Variants in TSPAN9 observed in about 807,000 individuals in gnomAD.
The protein encoded by TSPAN9 is tetraspanin-9.
TSPAN9 carries 16 observed loss-of-function variants against 31.0 expected under a neutral mutation model. The observed-to-expected ratio is 0.52, with a 90% CI of 0.35 to 0.78. The LOEUF (loss-of-function observed/expected upper bound fraction) is 0.78, where lower values mean the gene tolerates loss of function less well. Among genes scored for constraint, TSPAN9 ranks in the 30% least tolerant of loss-of-function variants. TSPAN9 has a pLI of 0.01. For missense variants in TSPAN9, 272 were observed against 312.5 expected (o/e 0.87, Z 0.98); for synonymous variants, 145 against 121.6 (o/e 1.19, Z -1.27).
rs79293796 is a variant in TSPAN9 at position 3,170,369 on chromosome 12, C to T, written c.-17-30808C>T. Among the ~76,000 whole-genome samples, 2,589 of 152,272 alleles carry T rather than the reference C, an allele frequency of 0.017. 147 individuals are homozygous for T. The highest frequency in any genetic ancestry group is 0.12 in the Admixed American group (1,793 of 15,290). On this transcript the variant is annotated intron_variant, in intron 2 of 8. Coordinates refer to ENST00000011898, the MANE Select transcript of TSPAN9 (RefSeq NM_006675.5). This position sits in a 1 kb window ranked among gnomAD's most constrained non-coding sequence, Gnocchi z 4.4. ...CTCCTGCGTTGGACACACCAATCTA[C>T]GGCTAGCTTGCTCCAGATAGCATGT...
chr12:3,101,659 C>T (rs925383097), intron 2 of TSPAN9, among the ~76,000 whole-genome samples: 4 of 152,206 alleles, frequency 2.6e-5, no homozygotes, highest in African/African-American at 7.2e-5. Flanking sequence ...CACCCCTGGG[C>T]GGTGTCTGTG....
At chr12:3,282,105 C>T in intron 8 of TSPAN9, 2 of 637,238 alleles carry the variant, frequency 3.1e-6, no homozygotes, top group Non-Finnish European at 5.7e-6. Context: ...TCTGCCCAAA[C>T]CTTGAGCTCA....
intron 2 of TSPAN9, among the ~76,000 whole-genome samples, chr12:3,157,261 G>A (rs1029037897): frequency 5.9e-5 from 9 of 152,072 alleles, no homozygotes; most frequent in Middle Eastern, 3.2e-3. Context: ...CACCATGCCC[G>A]GCTAATTTGT....
intron 2 of TSPAN9, among the ~76,000 whole-genome samples, chr12:3,186,359 T>C (rs1591666140): frequency 6.6e-6 from 1 of 151,976 alleles, no homozygotes; most frequent in Admixed American, 6.6e-5. Context: ...AATGGGGTGG[T>C]CAGGGAAGGC....
At chr12:3,244,626 C>T (rs902894093) in intron 3 of TSPAN9, among the ~76,000 whole-genome samples, 2 of 152,176 alleles carry the variant, frequency 1.3e-5, no homozygotes, top group African/African-American at 2.4e-5. Flanking sequence ...AGACAGCGAG[C>T]GCCAGTAGCA....
At chr12:3,121,848 T>C (rs1468264076) in intron 2 of TSPAN9, among the ~76,000 whole-genome samples, 1 of 152,158 alleles carries the variant, frequency 6.6e-6, no homozygotes, top group Non-Finnish European at 1.5e-5. Flanking sequence ...AGTAACTTCA[T>C]GAATTTATGT....
chr12:3,081,858 G>C lies in TSPAN9; in HGVS notation c.-84-1795G>C, dbSNP rs542519983. Among the ~76,000 whole-genome samples, 3 of 25,340 alleles carry C rather than the reference G, an allele frequency of 1.2e-4. No homozygotes were observed. The South Asian group carries it at 3.1e-3, about 26-fold the overall frequency. 16.6% of individuals were successfully genotyped at this position (25,340 alleles called of 152,430 possible). A position where few individuals can be genotyped will look rare whatever the true frequency, so the allele number is the denominator to read the frequency against. On this transcript the variant is annotated intron_variant, in intron 1 of 8. Coordinates refer to ENST00000011898, the MANE Select transcript of TSPAN9 (RefSeq NM_006675.5). The stretch of plus-strand genomic sequence containing the variant: ...TGTCTGTGTGTGTATATATATGCCA[G>C]GTGTGGTGGTACACACCTGTGGACC...
At chr12:3,188,804 G>A (rs1415809796) in intron 2 of TSPAN9, among the ~76,000 whole-genome samples, 1 of 152,188 alleles carries the variant, frequency 6.6e-6, no homozygotes, top group East Asian at 1.9e-4. Flanking sequence ...AGGACTCATG[G>A]TGGTGATCTA....
intron 2 of TSPAN9, among the ~76,000 whole-genome samples, chr12:3,125,449 C>A (rs937918756): frequency 3.3e-5 from 5 of 152,022 alleles, no homozygotes; most frequent in African/African-American, 1.2e-4. Context: ...ACATTCTTCC[C>A]CCCGCAGTTT....
At chr12:3,238,563 A>G (rs1450358143) in intron 3 of TSPAN9, among the ~76,000 whole-genome samples, 3 of 152,196 alleles carry the variant, frequency 2.0e-5, no homozygotes, top group African/African-American at 7.2e-5. Context: ...CGACCCTTCC[A>G]TGCCTCACGG....
chr12:3,179,657 T>A (rs2098357678), intron 2 of TSPAN9, among the ~76,000 whole-genome samples: 1 of 152,182 alleles, frequency 6.6e-6, no homozygotes, highest in Non-Finnish European at 1.5e-5. Flanking sequence ...TGAGCTAACA[T>A]CATGCATTTT....
intron 2 of TSPAN9, among the ~76,000 whole-genome samples, chr12:3,092,588 C>G (rs760036239): frequency 6.6e-6 from 1 of 152,186 alleles, no homozygotes; most frequent in African/African-American, 2.4e-5. Context: ...CCAGAGCCCC[C>G]TGAGAGGAGA....
chr12:3,246,903 G>T (rs762403955), intron 3 of TSPAN9, among the ~76,000 whole-genome samples: 5 of 152,348 alleles, frequency 3.3e-5, no homozygotes, highest in Non-Finnish European at 4.4e-5. Context: ...GACCAGGACC[G>T]TTCAGGGGAT....
intron 2 of TSPAN9, among the ~76,000 whole-genome samples, chr12:3,139,636 C>G (rs1430910538): frequency 6.6e-6 from 1 of 152,158 alleles, no homozygotes; most frequent in Non-Finnish European, 1.5e-5. Context: ...TGGTGTGACT[C>G]CCAGGCTCAA....
chr12:3,274,323 A>T (rs1043567536), intron 3 of TSPAN9, among the ~76,000 whole-genome samples: 13 of 152,156 alleles, frequency 8.5e-5, no homozygotes, highest in Admixed American at 2.0e-4. Flanking sequence ...CTAAGAAATG[A>T]TCTCGTCCAA....
chr12:3,105,768 GCACGCA>G (rs199780864), intron 2 of TSPAN9, among the ~76,000 whole-genome samples: 1,388 of 28,552 alleles, frequency 0.049, 15 homozygotes, highest in Admixed American at 0.058. Context: ...GCACACACGC[GCACGCA>G]CACACGCTCA....
At chr12:3,137,735 CCTCT>C (rs1188492906) in intron 2 of TSPAN9, among the ~76,000 whole-genome samples, 1 of 152,174 alleles carries the variant, frequency 6.6e-6, no homozygotes, top group African/African-American at 2.4e-5. Context: ...CTTGGCCTCT[CCTCT>C]CTCTGTTACA....
intron 3 of TSPAN9, among the ~76,000 whole-genome samples, chr12:3,233,499 T>A (rs1168812879): frequency 2.0e-5 from 3 of 152,230 alleles, no homozygotes; most frequent in Non-Finnish European, 4.4e-5. Context: ...CATTCTATAG[T>A]TGCATGTGCT....
chr12:3,258,708 T>C (rs933313953), intron 3 of TSPAN9, among the ~76,000 whole-genome samples: 1 of 152,160 alleles, frequency 6.6e-6, no homozygotes, highest in Admixed American at 6.5e-5. Context: ...TCCCCTGCCC[T>C]CAAGTGCCGG....
Sources: gnomAD v4.1 joint callset for allele counts (sites outside exome capture counted in the v4.1 genomes callset) on GRCh38, gnomAD v4.1.1 for gene constraint, Gnocchi (gnomAD v3.1) non-coding constraint, MANE v1.5 for transcripts, NCBI Gene and HGNC (gene_info 2026-07-23, HGNC 2026-07-21) for gene names.